ARHGAP8: variants seen among roughly 807,000 people sequenced by gnomAD.
The protein encoded by ARHGAP8 is rho GTPase-activating protein 8.
Under a neutral mutation model 46.1 loss-of-function variants are expected in ARHGAP8, and 62 were observed. The ratio of observed to expected loss-of-function variants is 1.34; its 90% CI spans 1.10 to 1.66. ARHGAP8 has a LOEUF of 1.66. Among genes scored for constraint, ARHGAP8 ranks in the 40% most tolerant of loss-of-function variants. ARHGAP8 has a pLI of 0.00. For synonymous variants in ARHGAP8, 375 were observed against 243.1 expected, an observed-to-expected ratio of 1.54 and a Z score of -5.05; for missense variants, 923 against 568.4, an observed-to-expected ratio of 1.62 and a Z score of -6.34.
intron 1 of ARHGAP8, among the ~76,000 whole-genome samples, chr22:44,757,826 G>C (rs146239760): frequency 1.5e-5 from 1 of 66,612 alleles, no homozygotes; most frequent in Non-Finnish European, 3.1e-5. Flanking sequence ...TTTTTTTTTT[G>C]TATTTTTAGT....
In ARHGAP8 at chr22:44,790,560, C is replaced by T. The variant is rs573688630; in HGVS notation, c.79+3954C>T. ...GTGTGGTGGCACATATCTGTAATCC[C>T]AGCTACTTGGGAGGCTGAAACAGGA... On this transcript the variant is annotated intron_variant, in intron 2 of 11. Transcript: ENST00000356099. Among the ~76,000 whole-genome samples, 68 of 150,930 alleles carry T rather than the reference C, an allele frequency of 4.5e-4. No individual in the cohort carries two copies. In the South Asian group the frequency reaches 0.014, roughly 31 times the overall value.
At chr22:44,852,792 ATTTTGTT>A (rs1306436520) in intron 10 of ARHGAP8, among the ~76,000 whole-genome samples, 5 of 151,758 alleles carry the variant, frequency 3.3e-5, no homozygotes, top group Admixed American at 2.0e-4. Context: ...GATTTTTTTT[ATTTTGTT>A]TTTTGTTTGT....
At chr22:44,753,944 C>A (rs534671504) in intron 1 of ARHGAP8, among the ~76,000 whole-genome samples, 1 of 152,292 alleles carries the variant, frequency 6.6e-6, no homozygotes, top group Admixed American at 6.5e-5. Flanking sequence ...TCTCTGTTGG[C>A]AGCTTTAGGA....
intron 7 of ARHGAP8, among the ~76,000 whole-genome samples, chr22:44,832,474 C>T (rs10433320): frequency 0.074 from 11,298 of 152,160 alleles, 821 homozygotes; most frequent in East Asian, 0.42. Flanking sequence ...GATCTGCCTG[C>T]ATCAGCCTCC....
chr22:44,854,021 T>A (rs1473117151), intron 10 of ARHGAP8, among the ~76,000 whole-genome samples: 6 of 59,882 alleles, frequency 1.0e-4, no homozygotes, highest in Admixed American at 6.0e-4. Flanking sequence ...CGAGACTCTG[T>A]CTCAAAAAAA....
chr22:44,862,725 A>C lies in ARHGAP8; in HGVS notation c.*130A>C. The C allele has an allele frequency of 5.3e-6, 6 of 1,141,062 alleles. No homozygotes were observed. Among genetic ancestry groups the C allele is most frequent in the Non-Finnish European group, 7.2e-6 (6 of 836,374 alleles). The allele number at this position is 1,141,062 out of a possible 1,614,324, so 70.7% of individuals were successfully genotyped here. A position where few individuals can be genotyped will look rare whatever the true frequency, so the allele number is the denominator to read the frequency against. ...TTCAGAACCTTCTAATGAAAACTCC[A>C]TGCCTCTGGTCCTTGGACTCTTGTC... is the stretch of plus-strand genomic sequence containing the variant. On this transcript the variant is annotated 3_prime_UTR_variant, in exon 12 of 12. Transcript: ENST00000356099.
chr22:44,862,691 T>C lies in ARHGAP8; in HGVS notation c.*96T>C, dbSNP rs570229335. The C allele has an allele frequency of 2.9e-6, 4 of 1,400,696 alleles. No individual in the cohort carries two copies. Among genetic ancestry groups the C allele is most frequent in the Non-Finnish European group, 3.8e-6 (4 of 1,057,794 alleles). 86.8% of individuals were successfully genotyped at this position (1,400,696 alleles called of 1,614,324 possible). On this transcript the variant is annotated 3_prime_UTR_variant, in exon 12 of 12. Coordinates refer to ENST00000356099, the MANE Select transcript of ARHGAP8 (RefSeq NM_181335.3). ...TGGCATCTGTAAAAATAACCAGCCATTAGATGAATTCAGAACCTTCTAATG... is the reference window on the plus strand; with the variant it reads ...TGGCATCTGTAAAAATAACCAGCCACTAGATGAATTCAGAACCTTCTAATG...
intron 5 of ARHGAP8, among the ~76,000 whole-genome samples, chr22:44,818,776 A>G (rs536848949): frequency 6.6e-5 from 10 of 151,682 alleles, no homozygotes; most frequent in African/African-American, 2.4e-4. Flanking sequence ...GGCTCACTGC[A>G]TCCTTAACCT....
At chr22:44,785,545 T>C (rs983390175) in intron 1 of ARHGAP8, among the ~76,000 whole-genome samples, 1 of 152,110 alleles carries the variant, frequency 6.6e-6, no homozygotes, top group African/African-American at 2.4e-5. Context: ...CTTGATCCAG[T>C]TGACCACATC....
Position 44,860,872 on chromosome 22 carries a change from G to C in ARHGAP8, c.981+1038G>C, listed in dbSNP as rs577359287. 1.4e-3 allele frequency among the ~76,000 whole-genome samples: 211 copies of C among 152,338 alleles called. 2 individuals carry two copies. Among genetic ancestry groups the C allele is most frequent in the Non-Finnish European group, 7.2e-4 (49 of 68,040 alleles). The stretch of plus-strand genomic sequence containing the variant: ...CTTCGCCCCAGGCTGTGCAGGGTGA[G>C]GAGAGCCTGAGCAGAGTAGGCGTCA... On this transcript the variant is annotated intron_variant, in intron 11 of 11. Coordinates refer to ENST00000356099, the MANE Select transcript of ARHGAP8 (RefSeq NM_181335.3).
chr22:44,820,514 G>A (rs996422636), intron 5 of ARHGAP8, among the ~76,000 whole-genome samples: 6 of 152,156 alleles, frequency 3.9e-5, no homozygotes, highest in African/African-American at 1.4e-4. Context: ...GACTGTCCCC[G>A]AGTCCTGTGG....
chr22:44,861,224 G>A (rs772910527), intron 11 of ARHGAP8, among the ~76,000 whole-genome samples: 10 of 152,044 alleles, frequency 6.6e-5, no homozygotes, highest in South Asian at 2.1e-4. Flanking sequence ...CACCTGCCTC[G>A]GCCTCTTAAG....
At chr22:44,777,491 T>C (rs1440799008) in intron 1 of ARHGAP8, among the ~76,000 whole-genome samples, 2 of 152,048 alleles carry the variant, frequency 1.3e-5, no homozygotes, top group Non-Finnish European at 2.9e-5. Flanking sequence ...ACTTTTCTCT[T>C]GGCAGAAATT....
At chr22:44,824,341 G>A (rs966998897) in intron 6 of ARHGAP8, among the ~76,000 whole-genome samples, 7 of 152,206 alleles carry the variant, frequency 4.6e-5, no homozygotes, top group Non-Finnish European at 8.8e-5. Context: ...AAAAACAACC[G>A]CACGTGGTAG....
intron 2 of ARHGAP8, among the ~76,000 whole-genome samples, chr22:44,794,010 G>A (rs1322395093): frequency 1.3e-5 from 2 of 152,202 alleles, no homozygotes; most frequent in Non-Finnish European, 2.9e-5. Context: ...CGGCCTCAGT[G>A]CGGGGCATGC....
intron 7 of ARHGAP8, among the ~76,000 whole-genome samples, chr22:44,835,219 T>C (rs9917547): frequency 0.13 from 19,110 of 146,366 alleles, 1,552 homozygotes; most frequent in East Asian, 0.31. Context: ...TTTCAATTTT[T>C]TGTTTCTTTT....
intron 1 of ARHGAP8, among the ~76,000 whole-genome samples, chr22:44,762,406 A>C (rs1925196338): frequency 6.6e-6 from 1 of 151,790 alleles, no homozygotes; most frequent in East Asian, 2.0e-4. Context: ...ACTGTACTCC[A>C]ACCTGGGCAA....
At chr22:44,757,058 A>G (rs1924740233) in intron 1 of ARHGAP8, among the ~76,000 whole-genome samples, 2 of 151,964 alleles carry the variant, frequency 1.3e-5, no homozygotes, top group Admixed American at 6.6e-5. Flanking sequence ...CTCAGACTAC[A>G]GGTGCACACC....
chr22:44,778,203 CCCAAAGT>C (rs997022575), intron 1 of ARHGAP8, among the ~76,000 whole-genome samples: 7 of 151,934 alleles, frequency 4.6e-5, no homozygotes, highest in African/African-American at 1.5e-4. Flanking sequence ...CCTCTAAGTC[CCCAAAGT>C]CCATTGTGTT....
Sources: gnomAD v4.1 joint callset for allele counts (sites outside exome capture counted in the v4.1 genomes callset) on GRCh38, gnomAD v4.1.1 for gene constraint, MANE v1.5 for transcripts, NCBI Gene and HGNC (gene_info 2026-07-23, HGNC 2026-07-21) for gene names.